KCTD18: variants seen among roughly 807,000 people sequenced by gnomAD.
KCTD18 encodes potassium channel tetramerization domain containing 18, also known as BTB/POZ domain-containing protein KCTD18.
In KCTD18, 22 loss-of-function variants were observed where a neutral mutation model predicts 30.4. That is an observed-to-expected ratio of 0.72 (90% CI 0.52 to 1.03). KCTD18 has a LOEUF of 1.03. Ranked by LOEUF, KCTD18 falls within the 50% of genes least tolerant of loss-of-function variation. The pLI is 0.00. For synonymous variants in KCTD18, 186 were observed against 209.0 expected (o/e 0.89, Z 0.95); for missense variants, 529 against 547.6 (o/e 0.97, Z 0.34).
At chr2:200,497,989 T>A in intron 4 of KCTD18, 142 bp from the exon 5 acceptor site, 1 of 634,154 alleles carries the variant, frequency 1.6e-6, no homozygotes, top group Non-Finnish European at 2.8e-6. Flanking sequence ...CTGTGATCCT[T>A]AAGTATACAT....
chr2:200,504,376 G>A (rs1034419014), intron 3 of KCTD18, among the ~76,000 whole-genome samples: 5 of 151,050 alleles, frequency 3.3e-5, no homozygotes, highest in Non-Finnish European at 7.4e-5. Flanking sequence ...GGAGAATGGT[G>A]TGAAGCCCAG....
At chr2:200,497,723 C>T (rs1050277585) in intron 5 of KCTD18, 30 bp downstream of exon 5, 2 of 1,439,650 alleles carry the variant, frequency 1.4e-6, no homozygotes, top group Non-Finnish European at 2.0e-6. Context: ...AGTCCACCTG[C>T]TTCCATGAAA....
chr2:200,507,554 T>G (rs1037603061), intron 1 of KCTD18, among the ~76,000 whole-genome samples: 1 of 152,180 alleles, frequency 6.6e-6, no homozygotes, highest in African/African-American at 2.4e-5. Flanking sequence ...ATGGAGGCAG[T>G]GATGATGCCC....
chr2:200,491,589 T>G (rs530630065), intron 6 of KCTD18, among the ~76,000 whole-genome samples: 1 of 152,350 alleles, frequency 6.6e-6, no homozygotes, highest in African/African-American at 2.4e-5. Context: ...GGAACCCATT[T>G]TGGGGACTGC....
intron 1 of KCTD18, among the ~76,000 whole-genome samples, chr2:200,509,139 T>C (rs902089817): frequency 7.2e-5 from 11 of 152,154 alleles, no homozygotes; most frequent in African/African-American, 2.7e-4. Flanking sequence ...TTTACCTAAT[T>C]CACACAAAAA....
intron 3 of KCTD18, among the ~76,000 whole-genome samples, chr2:200,500,586 A>T (rs2088068961): frequency 6.6e-6 from 1 of 150,436 alleles, no homozygotes; most frequent in African/African-American, 2.4e-5. Context: ...GATGTGAAGG[A>T]CCTCTTCAAG....
chr2:200,508,647 A>G (rs1348699259), intron 1 of KCTD18, among the ~76,000 whole-genome samples: 3 of 152,240 alleles, frequency 2.0e-5, no homozygotes, highest in Admixed American at 1.3e-4. Flanking sequence ...CTCCAATAAA[A>G]TGGAAGGAGA....
Position 200,490,390 on chromosome 2 carries a change from C to G in KCTD18, c.991G>C (p.Ala331Pro). The change falls in exon 7 of 7, where the codon GCC becomes CCC. Residue 331 changes from alanine to proline, a missense_variant. Coordinates refer to ENST00000359878, the MANE Select transcript of KCTD18 (RefSeq NM_152387.4). ...GCCCCCGTGCCCACCAGGGCCGTGG[C>G]TCTGGAAGGTGCAGAGCGCTGAGCT... ...KAAQRSAPSR[A>P]TALVGTGAPG... 2 of 1,614,154 alleles carry G rather than the reference C, an allele frequency of 1.2e-6. No individual in the cohort carries two copies. The highest frequency in any genetic ancestry group is 1.7e-6 in the Non-Finnish European group (2 of 1,180,026).
chr2:200,490,149 G>T lies in KCTD18; in HGVS notation c.1232C>A (p.Ala411Asp). Residue 411 changes from alanine (A) to aspartate (D), a missense_variant, in exon 7 of 7, where the codon GCC (alanine) becomes GAC (aspartate). Physicochemically the swap from Ala to Asp is moderately radical, Grantham distance 126. Coordinates refer to ENST00000359878, the MANE Select transcript of KCTD18 (RefSeq NM_152387.4). The part of the protein sequence containing the change: ...NSLKPLPGEA[A>D]RALGVRTENG... Reference sequence around the variant, plus strand: ...CTCAGTCCGCACTCCCAAGGCACGGGCAGCTTCGCCGGGAAGCGGCTTGAG... The same window carrying T: ...CTCAGTCCGCACTCCCAAGGCACGGTCAGCTTCGCCGGGAAGCGGCTTGAG... The T allele has an allele frequency of 6.2e-7, 1 of 1,607,738 alleles. No individual in the cohort carries two copies. Among genetic ancestry groups the T allele is most frequent in the Non-Finnish European group, 8.5e-7 (1 of 1,174,976 alleles).
At chr2:200,507,248 T>C (rs1006085690) in intron 1 of KCTD18, among the ~76,000 whole-genome samples, 157 bp from the exon 2 acceptor site, 2 of 152,174 alleles carry the variant, frequency 1.3e-5, no homozygotes, top group Admixed American at 6.5e-5. Flanking sequence ...CGAGATATGC[T>C]AAGAAGTTGG....
intron 1 of KCTD18, among the ~76,000 whole-genome samples, chr2:200,508,261 T>G (rs1448913016): frequency 1.3e-5 from 2 of 152,152 alleles, no homozygotes; most frequent in Non-Finnish European, 2.9e-5. Context: ...GGCTAATTCT[T>G]GTAATTTTAG....
chr2:200,498,577 T>C (rs1223429532), intron 4 of KCTD18, among the ~76,000 whole-genome samples: 1 of 152,212 alleles, frequency 6.6e-6, no homozygotes, highest in Non-Finnish European at 1.5e-5. Context: ...ACACCAGGCA[T>C]GTGGCTTTTC....
At chr2:200,509,406 C>G (rs1294195564) in intron 1 of KCTD18, among the ~76,000 whole-genome samples, 1 of 152,096 alleles carries the variant, frequency 6.6e-6, no homozygotes, top group Non-Finnish European at 1.5e-5. Flanking sequence ...GACTTGGCTA[C>G]GATAACACAG....
intron 3 of KCTD18, among the ~76,000 whole-genome samples, chr2:200,501,253 A>G (rs1023541296): frequency 4.7e-5 from 7 of 147,452 alleles, no homozygotes; most frequent in Admixed American, 1.4e-4. Flanking sequence ...AAACACCAAA[A>G]GCAATGGCAA....
Position 200,497,698 on chromosome 2 carries a change from G to C in KCTD18, c.661+55C>G, listed in dbSNP as rs748817524. ...GAAATGCAGTATTTGAGCTTACTTT[G>C]TCTTTTTTTTTTAAAGTCCACCTGC... On this transcript the variant is annotated intron_variant, in intron 5 of 6. Transcript: ENST00000359878. 19 of 1,154,238 alleles carry C rather than the reference G, an allele frequency of 1.6e-5. No individual in the cohort carries two copies. In the Admixed American group the frequency reaches 2.9e-4, roughly 18 times the overall value. 71.5% of individuals were successfully genotyped at this position (1,154,238 alleles called of 1,614,324 possible).
At chr2:200,504,458 CAAAAAAAAAAAA>C (rs761524442) in intron 3 of KCTD18, among the ~76,000 whole-genome samples, 4 of 59,258 alleles carry the variant, frequency 6.8e-5, no homozygotes, top group Non-Finnish European at 1.2e-4. Context: ...GACTCTGCCT[CAAAAAAAAAAAA>C]AAAAAAAAGC....
At position 200,506,483 on chromosome 2, in the gene KCTD18, G is replaced by A. The variant is rs977096523; in HGVS notation, c.160+374C>T. 2.0e-5 allele frequency among the ~76,000 whole-genome samples: 3 copies of A among 152,204 alleles called. No homozygotes were observed. The South Asian group carries it at 6.2e-4, about 32-fold the overall frequency. On this transcript the variant is annotated intron_variant, in intron 2 of 6. Coordinates refer to ENST00000359878, the MANE Select transcript of KCTD18 (RefSeq NM_152387.4). Reference sequence around the variant, plus strand: ...GGCTGCTCTGTTAGCAATAAGGAGGGCAGCTGCTTTCTCCAGACAAAACAT... The same window carrying A: ...GGCTGCTCTGTTAGCAATAAGGAGGACAGCTGCTTTCTCCAGACAAAACAT...
At chr2:200,508,929 CGTATCCTTCTGCCCCCCAA>C (rs2030358439) in intron 1 of KCTD18, among the ~76,000 whole-genome samples, 1 of 152,200 alleles carries the variant, frequency 6.6e-6, no homozygotes, top group African/African-American at 2.4e-5. Flanking sequence ...GACCGTCCCA[CGTATCCTTCTGCCCCCCAA>C]GTTAGAATCC....
chr2:200,497,938 G>T (rs1033871014), intron 4 of KCTD18, 91 bp from the exon 5 acceptor site: 9 of 885,140 alleles, frequency 1.0e-5, no homozygotes, highest in Non-Finnish European at 1.4e-5. Flanking sequence ...ATAAGAGCTT[G>T]TTAATTAAGG....
Sources: gnomAD v4.1 joint callset for allele counts (sites outside exome capture counted in the v4.1 genomes callset) on GRCh38, gnomAD v4.1.1 for gene constraint, MANE v1.5 for transcripts, NCBI Gene and HGNC (gene_info 2026-07-23, HGNC 2026-07-21) for gene names.